Variants in LRP1 observed in about 807,000 individuals in gnomAD.
LRP1 encodes prolow-density lipoprotein receptor-related protein 1.
LRP1 carries 51 observed loss-of-function variants against 541.5 expected under a neutral mutation model. The observed-to-expected ratio is 0.09, with a 90% CI of 0.08 to 0.12. LRP1 has a LOEUF of 0.12. Among genes scored for constraint, LRP1 ranks in the 10% least tolerant of loss-of-function variants. The probability of loss-of-function intolerance (pLI) is 1.00; values close to 1 mark genes in which losing one functional copy is unlikely to be tolerated. For missense variants in LRP1, 3,878 were observed against 6,376.2 expected (o/e 0.61, Z 13.34); for synonymous variants, 2,219 against 2,470.8 (o/e 0.90, Z 3.02).
intron 20 of LRP1, among the ~76,000 whole-genome samples, chr12:57,170,784 C>G (rs2136692692): frequency 6.6e-6 from 1 of 152,238 alleles, no homozygotes; most frequent in South Asian, 2.1e-4. Flanking sequence ...CCACTGCACT[C>G]CAGCCTGGGT....
Position 57,204,205 on chromosome 12 carries a change from CA to C in LRP1, c.10952-204del, listed in dbSNP as rs1333290814. On this transcript the variant is annotated intron_variant, in intron 70 of 88. Coordinates refer to ENST00000243077, the MANE Select transcript of LRP1 (RefSeq NM_002332.3). The surrounding 1 kb of genome is among the most constrained non-coding windows in gnomAD (Gnocchi z 5.3). The stretch of plus-strand genomic sequence containing the variant: ...GGAGTGCCCTCTGAACTCCTCCAGA[CA>C]CCCCTGAAAAATGGCCTCTTCTCCC... 9.4e-6 allele frequency: 5 copies of C among 532,070 alleles called. No individual in the cohort carries two copies. The African/African-American group carries it at 9.4e-5, about 10-fold the overall frequency. The allele number at this position is 532,070 out of a possible 1,614,324, so 33.0% of individuals were successfully genotyped here.
rs2036066705 is a variant in LRP1, at chr12:57,177,335, T to C, written c.4196+90T>C. ...AGGGACACCTTACTCCTCAGTGCCA[T>C]CTGCCTCCTCCCACCCTCTACCTAC... is the stretch of plus-strand genomic sequence containing the variant. On this transcript the variant is annotated intron_variant, in intron 25 of 88. Transcript: ENST00000243077. The surrounding 1 kb of genome is among the most constrained non-coding windows in gnomAD (Gnocchi z 6.8). 6.4e-7 allele frequency: 1 copy of C among 1,563,442 alleles called. No individual in the cohort carries two copies. The highest frequency in any genetic ancestry group is 8.7e-7 in the Non-Finnish European group (1 of 1,145,102).
Position 57,184,731 on chromosome 12 carries a change from A to G in LRP1, c.6187-108A>G. 8.1e-7 allele frequency: 1 copy of G among 1,232,010 alleles called. No homozygotes were observed. Among genetic ancestry groups the G allele is most frequent in the Non-Finnish European group, 1.1e-6 (1 of 882,690 alleles). The allele number at this position is 1,232,010 out of a possible 1,614,324, so 76.3% of individuals were successfully genotyped here. A position where few individuals can be genotyped will look rare whatever the true frequency, so the allele number is the denominator to read the frequency against. On this transcript the variant is annotated intron_variant, in intron 38 of 88. Transcript: ENST00000243077. This position sits in a 1 kb window ranked among gnomAD's most constrained non-coding sequence, Gnocchi z 7.8. The stretch of plus-strand genomic sequence containing the variant: ...GCAGGAGGCAGGAGTGAGTTAGGGG[A>G]GGCTGAACTGAGGGCCTCACTCTGG...
intron 44 of LRP1, 81 bp downstream of exon 44, chr12:57,191,593 G>A (rs1301103133): frequency 1.8e-5 from 23 of 1,280,480 alleles, no homozygotes; most frequent in East Asian, 7.3e-5. Context: ...CACACACATC[G>A]CACATACCAC....
intron 2 of LRP1, among the ~76,000 whole-genome samples, chr12:57,139,604 C>G (rs1376534172): frequency 6.6e-6 from 1 of 152,110 alleles, no homozygotes; most frequent in East Asian, 1.9e-4. Context: ...TGCTGTAAAC[C>G]TCACCTTATA....
Position 57,179,914 on chromosome 12 carries a change from G to T in LRP1, c.5099G>T (p.Gly1700Val). 6.2e-7 allele frequency: 1 copy of T among 1,614,132 alleles called. No individual in the cohort carries two copies. The highest frequency in any genetic ancestry group is 1.7e-5 in the Admixed American group (1 of 60,022). ...DGSFKNAVVQ[G>V]LEQPHGLVVH... ...TCCTTCAAGAACGCAGTGGTGCAGG[G>T]CCTGGAGCAGCCCCATGGCCTTGTC... The change falls in exon 30 of 89, where the codon GGC becomes GTC. Residue 1700 changes from glycine to valine, a missense_variant. By Grantham distance (109) the Gly-to-Val change is moderately radical (BLOSUM62 -3). Transcript: ENST00000243077. The surrounding 1 kb of genome is among the most constrained non-coding windows in gnomAD (Gnocchi z 6.8).
intron 1 of LRP1, among the ~76,000 whole-genome samples, chr12:57,134,779 A>G (rs551999665): frequency 1.1e-4 from 17 of 151,550 alleles, no homozygotes; most frequent in Non-Finnish European, 1.9e-4. Context: ...ATCTCAGTTC[A>G]CTGCAAGCTC....
Position 57,204,998 on chromosome 12 carries a change from C to G in LRP1, c.11195-111C>G. Reference sequence around the variant, plus strand: ...GGAACCCAAATGTTTGACCTGCTCCCCCTGCAAGCCTTGTCACTTAGGAAT... The same window carrying G: ...GGAACCCAAATGTTTGACCTGCTCCGCCTGCAAGCCTTGTCACTTAGGAAT... On this transcript the variant is annotated intron_variant, in intron 72 of 88. Coordinates refer to ENST00000243077, the MANE Select transcript of LRP1 (RefSeq NM_002332.3). This position sits in a 1 kb window ranked among gnomAD's most constrained non-coding sequence, Gnocchi z 5.3. The G allele has an allele frequency of 2.0e-6, 3 of 1,477,232 alleles. No individual in the cohort carries two copies. The highest frequency in any genetic ancestry group is 2.7e-6 in the Non-Finnish European group (3 of 1,094,654). The allele number at this position is 1,477,232 out of a possible 1,614,324, so 91.5% of individuals were successfully genotyped here. A position where few individuals can be genotyped will look rare whatever the true frequency, so the allele number is the denominator to read the frequency against.
Position 57,212,124 on chromosome 12 carries a change from G to A in LRP1, c.13357G>A (p.Gly4453Ser). Residue 4453 changes from glycine to serine, a missense_variant, in exon 88 of 89, where the codon GGC (glycine) becomes AGC (serine). Transcript: ENST00000243077. This position sits in a 1 kb window ranked among gnomAD's most constrained non-coding sequence, Gnocchi z 5.0. ...WYKRRVQGAK[G>S]FQHQRMTNGA... Reference sequence around the variant, plus strand: ...ACTCCTGCCTTTCCCCAGGGCTAAGGGCTTCCAGCACCAACGGATGACCAA... The same window carrying A: ...ACTCCTGCCTTTCCCCAGGGCTAAGAGCTTCCAGCACCAACGGATGACCAA... 20 of 1,613,920 alleles carry A rather than the reference G, an allele frequency of 1.2e-5. No homozygotes were observed. The highest frequency in any genetic ancestry group is 1.7e-5 in the Non-Finnish European group (20 of 1,179,964).
At chr12:57,207,116 G>A (rs1199892568) in intron 76 of LRP1, among the ~76,000 whole-genome samples, 1 of 151,952 alleles carries the variant, frequency 6.6e-6, no homozygotes, top group Non-Finnish European at 1.5e-5. Context: ...GGTGGCGGGC[G>A]CCTGTAGTCC....
In LRP1 at chr12:57,199,382, G is replaced by C; in HGVS notation, c.9847G>C (p.Ala3283Pro). The C allele has an allele frequency of 6.2e-7, 1 of 1,610,464 alleles. No homozygotes were observed. The highest frequency in any genetic ancestry group is 1.3e-5 in the African/African-American group (1 of 75,028). The change falls in exon 61 of 89, where the codon GCC (alanine) becomes CCC (proline). Residue 3283 changes from alanine to proline, a missense_variant. Physicochemically the swap from Ala to Pro is conservative, Grantham distance 27. Coordinates refer to ENST00000243077, the MANE Select transcript of LRP1 (RefSeq NM_002332.3). ...HRPMDLHVFH[A>P]LRQPDVPNHP... Reference sequence around the variant, plus strand: ...GCCCATGGACCTGCATGTCTTCCATGCCCTGCGCCAGCCAGACGGTGAGCA... The same window carrying C: ...GCCCATGGACCTGCATGTCTTCCATCCCCTGCGCCAGCCAGACGGTGAGCA...
In LRP1 at chr12:57,211,672, C is replaced by T. The variant is rs2036920370; in HGVS notation, c.13194-78C>T. 1.7e-6 allele frequency: 2 copies of T among 1,167,756 alleles called. No homozygotes were observed. The highest frequency in any genetic ancestry group is 1.5e-5 in the African/African-American group (1 of 66,280). 72.3% of individuals were successfully genotyped at this position (1,167,756 alleles called of 1,614,324 possible). ...GCAGGAGGACCGTCAGGCCTCAGTG[C>T]CCACCCCCCGCCCTGTTTTCCTGGC... On this transcript the variant is annotated intron_variant, in intron 85 of 88. Coordinates refer to ENST00000243077, the MANE Select transcript of LRP1 (RefSeq NM_002332.3). The surrounding 1 kb of genome is among the most constrained non-coding windows in gnomAD (Gnocchi z 4.3).
At chr12:57,208,345 C>T in intron 77 of LRP1, 129 bp downstream of exon 77, 1 of 1,020,800 alleles carries the variant, frequency 9.8e-7, no homozygotes, top group Non-Finnish European at 1.4e-6. Context: ...CTTTTCAGTC[C>T]CTTGGGTCTT....
intron 6 of LRP1, among the ~76,000 whole-genome samples, chr12:57,146,005 C>T (rs2035399213): frequency 6.6e-6 from 1 of 152,144 alleles, no homozygotes; most frequent in South Asian, 2.1e-4. Flanking sequence ...TTCTCTGTGG[C>T]TTTGTGGCAG....
In LRP1 at chr12:57,204,591, A is replaced by T. The variant is rs775376292; in HGVS notation, c.11072-36A>T. The T allele has an allele frequency of 5.0e-6, 8 of 1,612,244 alleles. No individual in the cohort carries two copies. Among genetic ancestry groups the T allele is most frequent in the Non-Finnish European group, 6.8e-6 (8 of 1,178,976 alleles). On this transcript the variant is annotated intron_variant, in intron 71 of 88. Transcript: ENST00000243077. The surrounding 1 kb of genome is among the most constrained non-coding windows in gnomAD (Gnocchi z 5.3). Reference sequence around the variant, plus strand: ...GCCAGCAACCACCCCCACTCCCAAGACTAATTCTGGCTCTGTGTCCCCCTG... The same window carrying T: ...GCCAGCAACCACCCCCACTCCCAAGTCTAATTCTGGCTCTGTGTCCCCCTG...
chr12:57,134,766 G>A (rs56867275), intron 1 of LRP1, among the ~76,000 whole-genome samples: 2,539 of 151,910 alleles, frequency 0.017, 81 homozygotes, highest in African/African-American at 0.057. Flanking sequence ...GTGCAGTGGC[G>A]CGATCTCAGT....
rs768161351 is a variant in LRP1, at chr12:57,210,406, C to T, written c.12680C>T (p.Thr4227Met). ...QPKCRCQPRY[T>M]GDKCELDQCW... is the part of the protein sequence containing the mutation. ...AAGTGCCGCTGCCAACCCCGCTACA[C>T]GGGTGACAAGTGTGAACTGGACCAG... The change falls in exon 82 of 89, where the codon ACG becomes ATG. Residue 4227 changes from threonine (T) to methionine (M), a missense_variant. Around this residue, in one of 13 missense-constraint regions of LRP1, gnomAD observed 871 missense variants for 1,212.4 expected, o/e 0.72. Coordinates refer to ENST00000243077, the MANE Select transcript of LRP1 (RefSeq NM_002332.3). 2.2e-5 allele frequency: 36 copies of T among 1,605,670 alleles called. No individual in the cohort carries two copies. Among genetic ancestry groups the T allele is most frequent in the African/African-American group, 4.0e-5 (3 of 74,738 alleles).
chr12:57,156,315 G>A lies in LRP1; in HGVS notation c.1417+32G>A, dbSNP rs769763589. On this transcript the variant is annotated intron_variant, in intron 9 of 88. Coordinates refer to ENST00000243077, the MANE Select transcript of LRP1 (RefSeq NM_002332.3). This position sits in a 1 kb window ranked among gnomAD's most constrained non-coding sequence, Gnocchi z 5.2. ...AGGGCTCCATGGCCCCTCCAAAGCT[G>A]GCTTTACCCCATGATGGCTCTGGGA... is the stretch of plus-strand genomic sequence containing the variant. 7 of 1,608,022 alleles carry A rather than the reference G, an allele frequency of 4.4e-6. No individual in the cohort carries two copies. The highest frequency in any genetic ancestry group is 3.5e-4 in the Middle Eastern group (2 of 5,740).
Position 57,179,093 on chromosome 12 carries a change from G to A in LRP1, c.4738+72G>A. The stretch of plus-strand genomic sequence containing the variant: ...GAAGGCCGCAGGCCCCAGGATCCCG[G>A]TTGTCAGCTAAGGCAGAGTCCCAGT... On this transcript the variant is annotated intron_variant, in intron 28 of 88. Coordinates refer to ENST00000243077, the MANE Select transcript of LRP1 (RefSeq NM_002332.3). The surrounding 1 kb of genome is among the most constrained non-coding windows in gnomAD (Gnocchi z 6.8). 1 of 1,557,668 alleles carries A rather than the reference G, an allele frequency of 6.4e-7. No homozygotes were observed. Among genetic ancestry groups the A allele is most frequent in the East Asian group, 2.2e-5 (1 of 44,488 alleles).
Sources: gnomAD v4.1 joint callset for allele counts (sites outside exome capture counted in the v4.1 genomes callset) on GRCh38, gnomAD v4.1.1 for gene constraint, gnomAD v4.1.1 regional missense constraint, Gnocchi (gnomAD v3.1) non-coding constraint, MANE v1.5 for transcripts, NCBI Gene and HGNC (gene_info 2026-07-23, HGNC 2026-07-21) for gene names.